HPD: variants seen among roughly 807,000 people sequenced by gnomAD.
The protein encoded by HPD is 4-hydroxyphenylpyruvic acid oxidase.
A neutral mutation model predicts 56.9 loss-of-function variants in HPD; 35 were observed. That is an observed-to-expected ratio of 0.62 (90% CI 0.47 to 0.82). The LOEUF (loss-of-function observed/expected upper bound fraction) is 0.82. HPD is among the 40% of genes least tolerant of loss of function. The pLI is 0.00. For synonymous variants in HPD, 186 were observed against 200.2 expected (o/e 0.93, Z 0.60); for missense variants, 442 against 506.8 (o/e 0.87, Z 1.23).
In HPD at chr12:121,843,719, A is replaced by G. The variant is rs1463517827; in HGVS notation, c.945T>C (p.Asp315=). ...CCTGCCTGGGCCTCACCTCCAGGGC[A>G]TCAATGTTCTCCTTCACCTTGATCT... ...TAKIKVKENI[D]ALEELKILVD... The change falls in exon 12 of 14, where the codon GAT becomes GAC. Residue 315 remains aspartate (D), a synonymous_variant. Transcript: ENST00000289004. 3.7e-6 allele frequency: 6 copies of G among 1,614,116 alleles called. No individual in the cohort carries two copies. The South Asian group carries it at 6.6e-5, about 18-fold the overall frequency.
At chr12:121,880,282 A>T in the HPD span, among the ~76,000 whole-genome samples, 1 of 150,238 alleles carries the variant, frequency 6.7e-6, no homozygotes, top group African/African-American at 2.5e-5. Flanking sequence ...GGCTCATTGC[A>T]ACCTCTGCCT....
At chr12:121,866,968 C>T (rs993603216), upstream of HPD, among the ~76,000 whole-genome samples, 2 of 152,140 alleles carry the variant, frequency 1.3e-5, no homozygotes, top group African/African-American at 4.8e-5. Context: ...GATCTATTTT[C>T]TTTCCTTACA....
intron 9 of HPD, 117 bp from the exon 10 acceptor site, chr12:121,847,331 G>T: frequency 1.2e-6 from 1 of 849,970 alleles, no homozygotes; most frequent in Non-Finnish European, 2.0e-6. Flanking sequence ...AGATGCCACT[G>T]CCATCATACC....
chr12:121,866,960 T>A (rs1878343861), upstream of HPD, among the ~76,000 whole-genome samples: 1 of 152,090 alleles, frequency 6.6e-6, no homozygotes. Context: ...CAACCACTGA[T>A]CTATTTTCTT....
At chr12:121,877,252 G>A in the HPD span, among the ~76,000 whole-genome samples, 1 of 152,138 alleles carries the variant, frequency 6.6e-6, no homozygotes, top group South Asian at 2.1e-4. Context: ...ACTCAGAGAA[G>A]CTAACTGGCT....
the HPD span, among the ~76,000 whole-genome samples, chr12:121,880,116 A>G: frequency 3.3e-5 from 5 of 151,662 alleles, no homozygotes; most frequent in Non-Finnish European, 7.4e-5. Flanking sequence ...CACTACACTC[A>G]AGCCTGAGTG....
rs757580142 is a variant in HPD at position 121,839,732 on chromosome 12, A to G, written c.1178T>C (p.Met393Thr). The change falls in exon 14 of 14, where the codon ATG becomes ACG. Residue 393 changes from methionine to threonine, a missense_variant. Met to Thr is a moderately conservative substitution (Grantham distance 81, BLOSUM62 -1). Coordinates refer to ENST00000289004, the MANE Select transcript of HPD (RefSeq NM_002150.3). The stretch of plus-strand genomic sequence containing the variant: ...CCTCCGTGGGGTGGGCGGGGCTTAC[A>G]TGCCGGGCACCACCCCATTGGTCTC... ...NMETNGVVPG[M>T] is the part of the protein sequence containing the mutation. The G allele has an allele frequency of 3.1e-6, 5 of 1,610,022 alleles. No homozygotes were observed. Among genetic ancestry groups the G allele is most frequent in the South Asian group, 2.2e-5 (2 of 90,980 alleles).
the HPD span, among the ~76,000 whole-genome samples, chr12:121,882,377 A>C: frequency 2.6e-5 from 4 of 152,166 alleles, no homozygotes; most frequent in African/African-American, 7.2e-5. Flanking sequence ...TCTGAAATGA[A>C]GATGAGCAAG....
intron 7 of HPD, among the ~76,000 whole-genome samples, chr12:121,850,520 CTGGAG>C (rs1172042169): frequency 2.1e-5 from 3 of 140,130 alleles, no homozygotes; most frequent in Non-Finnish European, 4.6e-5. Flanking sequence ...GTCACTCAGG[CTGGAG>C]TGCATTGGCA....
chr12:121,872,862 T>C, the HPD span, among the ~76,000 whole-genome samples: 63 of 152,186 alleles, frequency 4.1e-4, no homozygotes, highest in Non-Finnish European at 8.4e-4. Context: ...TGAGAGAAGA[T>C]AGGCTGATTC....
intron 7 of HPD, among the ~76,000 whole-genome samples, chr12:121,850,708 T>G (rs1239444041): frequency 1.4e-5 from 2 of 144,568 alleles, no homozygotes; most frequent in Non-Finnish European, 3.0e-5. Flanking sequence ...TTTTTTTTTT[T>G]TTTTTGTTTG....
At chr12:121,885,015 C>T in the HPD span, among the ~76,000 whole-genome samples, 2 of 151,944 alleles carry the variant, frequency 1.3e-5, no homozygotes, top group Non-Finnish European at 2.9e-5. Flanking sequence ...CTCAGTCTCC[C>T]GAGTAGCTGG....
At chr12:121,886,922 C>T in the HPD span, among the ~76,000 whole-genome samples, 34 of 152,218 alleles carry the variant, frequency 2.2e-4, 1 homozygote, top group East Asian at 5.8e-3. Flanking sequence ...TTATTTGAGA[C>T]AGAGTCTCAC....
intron 7 of HPD, among the ~76,000 whole-genome samples, chr12:121,854,407 C>G (rs1308075959): frequency 6.6e-6 from 1 of 152,188 alleles, no homozygotes; most frequent in South Asian, 2.1e-4. Context: ...CAAAGTCACA[C>G]AGCTCGTGTG....
chr12:121,856,504 C>T, intron 5 of HPD, 79 bp downstream of exon 5: 1 of 1,595,916 alleles, frequency 6.3e-7, no homozygotes, highest in Non-Finnish European at 8.6e-7. Context: ...AGAGCCCACC[C>T]ACGGAGCCAT....
chr12:121,842,078 G>A (rs1877426520), intron 12 of HPD, among the ~76,000 whole-genome samples: 1 of 152,044 alleles, frequency 6.6e-6, no homozygotes, highest in Admixed American at 6.6e-5. Context: ...GAGGGGGGAA[G>A]GGAACAGAGG....
the HPD span, among the ~76,000 whole-genome samples, chr12:121,873,887 G>A: frequency 6.6e-6 from 1 of 152,190 alleles, no homozygotes; most frequent in Non-Finnish European, 1.5e-5. Flanking sequence ...GGGAGGCAGA[G>A]GCAGAGGATC....
chr12:121,854,639 C>A, intron 7 of HPD, 64 bp downstream of exon 7: 2 of 1,123,166 alleles, frequency 1.8e-6, no homozygotes, highest in Non-Finnish European at 2.7e-6. Flanking sequence ...GAGTCAGCTG[C>A]GGGGCTCCTG....
chr12:121,856,558 CG>C (rs1334756491), intron 5 of HPD, 24 bp downstream of exon 5: 1 of 1,613,070 alleles, frequency 6.2e-7, no homozygotes, highest in East Asian at 2.2e-5. Context: ...CAGAGCCATG[CG>C]TCCACCCTCC....
Sources: gnomAD v4.1 joint callset for allele counts (sites outside exome capture counted in the v4.1 genomes callset) on GRCh38, gnomAD v4.1.1 for gene constraint, MANE v1.5 for transcripts, NCBI Gene and HGNC (gene_info 2026-07-23, HGNC 2026-07-21) for gene names.